PSD3: variants seen among roughly 807,000 people sequenced by gnomAD.
PSD3 encodes pleckstrin and Sec7 domain containing 3.
In PSD3, 49 loss-of-function variants were observed where a neutral mutation model predicts 105.5. The ratio of observed to expected loss-of-function variants is 0.46; its 90% CI spans 0.37 to 0.59. The LOEUF (loss-of-function observed/expected upper bound fraction) is 0.59. Among genes scored for constraint, PSD3 ranks in the 20% least tolerant of loss-of-function variants. PSD3 has a pLI of 0.00. For synonymous variants in PSD3, 557 were observed against 457.8 expected, an observed-to-expected ratio of 1.22 and a Z score of -2.77; for missense variants, 1,561 against 1,263.8, an observed-to-expected ratio of 1.24 and a Z score of -3.57.
At chr8:18,731,005 T>C (rs1274418156) in intron 9 of PSD3, among the ~76,000 whole-genome samples, 1 of 151,784 alleles carries the variant, frequency 6.6e-6, no homozygotes, top group Non-Finnish European at 1.5e-5. Context: ...TTCCAATCTG[T>C]CCTCTCTAGA....
chr8:18,770,620 G>A (rs568294001), intron 8 of PSD3, among the ~76,000 whole-genome samples: 70 of 152,306 alleles, frequency 4.6e-4, no homozygotes, highest in African/African-American at 1.6e-3. Flanking sequence ...ATGCCTTCGG[G>A]CACCAGCAGG....
intron 2 of PSD3, among the ~76,000 whole-genome samples, chr8:18,891,989 A>T (rs1818812321): frequency 6.6e-6 from 1 of 152,208 alleles, no homozygotes; most frequent in South Asian, 2.1e-4. Context: ...ACACAGTTAA[A>T]AGAATAAGAA....
rs2129881770 is a variant in PSD3, at chr8:18,533,372, G to A, written c.*2371C>T. Reference sequence around the variant, plus strand: ...TTTAAAGATAAACTATGCAAACATGGTATACTGAAGCTTCAAAAGAGCCCT... The same window carrying A: ...TTTAAAGATAAACTATGCAAACATGATATACTGAAGCTTCAAAAGAGCCCT... On this transcript the variant is annotated 3_prime_UTR_variant, in exon 16 of 16. Transcript: ENST00000327040. The A allele has an allele frequency of 6.6e-6, 1 of 152,250 alleles. No individual in the cohort carries two copies. The highest frequency in any genetic ancestry group is 6.5e-5 in the Admixed American group (1 of 15,290). The allele number at this position is 152,250 out of a possible 1,614,324, so 9.4% of individuals were successfully genotyped here. A position where few individuals can be genotyped will look rare whatever the true frequency, so the allele number is the denominator to read the frequency against.
intron 12 of PSD3, among the ~76,000 whole-genome samples, chr8:18,582,214 T>G (rs767277421): frequency 2.0e-5 from 3 of 152,144 alleles, no homozygotes; most frequent in Non-Finnish European, 4.4e-5. Flanking sequence ...GTTGTCTATG[T>G]CCTCTCTGCC....
intron 2 of PSD3, among the ~76,000 whole-genome samples, chr8:18,890,368 AG>A (rs1818710318): frequency 1.3e-5 from 2 of 152,168 alleles, no homozygotes; most frequent in Non-Finnish European, 2.9e-5. Flanking sequence ...CTCCATTACC[AG>A]GTACATCTAA....
intron 8 of PSD3, among the ~76,000 whole-genome samples, chr8:18,768,511 C>G (rs113402268): frequency 2.6e-5 from 4 of 152,010 alleles, no homozygotes; most frequent in Non-Finnish European, 5.9e-5. Flanking sequence ...GGGGCAAGAT[C>G]GCTTGAGCCC....
chr8:19,000,869 T>C (rs887416605), intron 1 of PSD3: 1 of 151,894 alleles, frequency 6.6e-6, no homozygotes, highest in African/African-American at 2.4e-5. Flanking sequence ...ACTCATTCGC[T>C]AAAGAAACAT....
chr8:18,878,865 A>C (rs892086526), intron 2 of PSD3, among the ~76,000 whole-genome samples: 1 of 152,182 alleles, frequency 6.6e-6, no homozygotes, highest in Non-Finnish European at 1.5e-5. Context: ...CCCATCATGA[A>C]GTGTTTTAAG....
chr8:18,533,130 A>C lies in PSD3; in HGVS notation c.*2613T>G, dbSNP rs184155504. 15 of 152,296 alleles carry C rather than the reference A, an allele frequency of 9.8e-5. No individual in the cohort carries two copies. The highest frequency in any genetic ancestry group is 3.4e-4 in the African/African-American group (14 of 41,568). The allele number at this position is 152,296 out of a possible 1,614,324, so 9.4% of individuals were successfully genotyped here. A position where few individuals can be genotyped will look rare whatever the true frequency, so the allele number is the denominator to read the frequency against. ...AGGAAATAAATTATCCCAAAGGAAA[A>C]TGTGGTTGGCTATGGGCCAGACTCT... On this transcript the variant is annotated 3_prime_UTR_variant, in exon 16 of 16. Transcript: ENST00000327040.
chr8:18,958,706 G>T (rs867424237), intron 1 of PSD3, among the ~76,000 whole-genome samples: 1 of 152,094 alleles, frequency 6.6e-6, no homozygotes, highest in African/African-American at 2.4e-5. Context: ...AACCCATATG[G>T]TTAGCAGAAT....
intron 2 of PSD3, among the ~76,000 whole-genome samples, chr8:18,915,181 C>T (rs1483783328): frequency 2.0e-5 from 3 of 152,112 alleles, no homozygotes; most frequent in Non-Finnish European, 4.4e-5. Flanking sequence ...ACAACATATA[C>T]AAAAATCACC....
intron 1 of PSD3, among the ~76,000 whole-genome samples, chr8:18,946,954 A>C (rs1268306161): frequency 1.3e-5 from 2 of 149,876 alleles, no homozygotes; most frequent in East Asian, 3.9e-4. Context: ...TTATAAAATA[A>C]AATTAAATAA....
At chr8:18,950,501 G>A (rs1823167775) in intron 1 of PSD3, among the ~76,000 whole-genome samples, 1 of 152,104 alleles carries the variant, frequency 6.6e-6, no homozygotes, top group Non-Finnish European at 1.5e-5. Context: ...TTGTCCAACT[G>A]AGGCTTTGCA....
At chr8:18,603,242 G>T (rs1358140678) in intron 11 of PSD3, among the ~76,000 whole-genome samples, 1 of 151,548 alleles carries the variant, frequency 6.6e-6, no homozygotes, top group East Asian at 1.9e-4. Context: ...AAGCTTTTAG[G>T]GTTTTGATTC....
At chr8:18,956,812 T>C (rs899570979) in intron 1 of PSD3, among the ~76,000 whole-genome samples, 2 of 152,126 alleles carry the variant, frequency 1.3e-5, no homozygotes, top group African/African-American at 4.8e-5. Context: ...ATGGTTTGGC[T>C]TTTCCTGGCC....
intron 4 of PSD3, among the ~76,000 whole-genome samples, chr8:18,858,923 C>T (rs775082260): frequency 2.0e-5 from 3 of 152,116 alleles, no homozygotes; most frequent in Non-Finnish European, 4.4e-5. Flanking sequence ...TGACCTCCTC[C>T]TCCCACAAAT....
chr8:18,543,002 T>A (rs1800237835), intron 15 of PSD3, among the ~76,000 whole-genome samples: 1 of 152,224 alleles, frequency 6.6e-6, no homozygotes, highest in Admixed American at 6.5e-5. Flanking sequence ...AGTGTAAGCA[T>A]AATATAATTC....
At chr8:18,879,286 G>A (rs1397702983) in intron 2 of PSD3, among the ~76,000 whole-genome samples, 3 of 152,092 alleles carry the variant, frequency 2.0e-5, no homozygotes, top group African/African-American at 7.2e-5. Context: ...CAAAGAAAAC[G>A]AGGTCAGATA....
At chr8:18,833,998 G>C (rs549358878) in intron 4 of PSD3, among the ~76,000 whole-genome samples, 2 of 151,946 alleles carry the variant, frequency 1.3e-5, no homozygotes, top group Non-Finnish European at 2.9e-5. Context: ...AAGTAGCTAG[G>C]AATAAACTTA....
Sources: gnomAD v4.1 joint callset for allele counts (sites outside exome capture counted in the v4.1 genomes callset) on GRCh38, gnomAD v4.1.1 for gene constraint, MANE v1.5 for transcripts, NCBI Gene and HGNC (gene_info 2026-07-23, HGNC 2026-07-21) for gene names.